LAMP1: variants seen among roughly 807,000 people sequenced by gnomAD.
LAMP1 encodes the protein lysosome-associated membrane glycoprotein 1.
Under a neutral mutation model 37.5 loss-of-function variants are expected in LAMP1, and 7 were observed. The observed-to-expected ratio is 0.19, with a 90% CI of 0.11 to 0.35. The LOEUF (loss-of-function observed/expected upper bound fraction) is 0.35, where lower values mean the gene tolerates loss of function less well. Among genes scored for constraint, LAMP1 ranks in the 10% least tolerant of loss-of-function variants. LAMP1 has a pLI of 1.00. For missense variants in LAMP1, 537 were observed against 552.8 expected (o/e 0.97, Z 0.29); for synonymous variants, 236 against 229.1 (o/e 1.03, Z -0.27).
intron 8 of LAMP1, 38 bp from the exon 9 acceptor site, chr13:113,322,244 G>T: frequency 6.3e-7 from 1 of 1,581,272 alleles, no homozygotes. Context: ...AGGCCCCTGT[G>T]TGAGCAGAGC....
chr13:113,317,262 G>A (rs989684418), intron 4 of LAMP1, among the ~76,000 whole-genome samples: 3 of 152,178 alleles, frequency 2.0e-5, no homozygotes, highest in Admixed American at 2.0e-4. Flanking sequence ...GGCAGCGCAG[G>A]GCACTCTCCA....
chr13:113,307,355 A>G (rs2042605359), intron 2 of LAMP1, among the ~76,000 whole-genome samples: 1 of 149,208 alleles, frequency 6.7e-6, no homozygotes, highest in South Asian at 2.1e-4. Context: ...ACGGGGTTTC[A>G]CCATGTTGGC....
intron 4 of LAMP1, among the ~76,000 whole-genome samples, chr13:113,314,214 T>G (rs1326885778): frequency 1.8e-5 from 2 of 113,356 alleles, no homozygotes; most frequent in Non-Finnish European, 3.4e-5. Context: ...GCCTGGGGCG[T>G]GGCCTCCTGG....
intron 2 of LAMP1, among the ~76,000 whole-genome samples, chr13:113,307,473 A>T (rs1173621042): frequency 1.3e-5 from 2 of 152,008 alleles, no homozygotes; most frequent in African/African-American, 4.8e-5. Flanking sequence ...TTTCTTCGTG[A>T]TTGTCTTTTA....
At chr13:113,305,036 G>A (rs1191695279) in intron 1 of LAMP1, 1 of 152,204 alleles carries the variant, frequency 6.6e-6, no homozygotes, top group Non-Finnish European at 1.5e-5. Context: ...CTGGTTATAT[G>A]CTTCGCTTTA....
chr13:113,313,467 G>A (rs958974579), intron 4 of LAMP1, among the ~76,000 whole-genome samples: 6 of 152,224 alleles, frequency 3.9e-5, no homozygotes, highest in Non-Finnish European at 8.8e-5. Context: ...AATGGAAAAA[G>A]GCCCGACAGC....
At position 113,320,192 on chromosome 13, in the gene LAMP1, C is replaced by T. The variant is rs1290858926; in HGVS notation, c.751-153C>T. Among the ~76,000 whole-genome samples, 2 of 152,104 alleles carry T rather than the reference C, an allele frequency of 1.3e-5. No individual in the cohort carries two copies. The highest frequency in any genetic ancestry group is 2.4e-5 in the African/African-American group (1 of 41,422). ...GTCAGGGAGAGTCATCTTGGGATCC[C>T]GAAATCTGTACTAGTGTGGTCTTTC... is the stretch of plus-strand genomic sequence containing the variant. On this transcript the variant is annotated intron_variant, in intron 5 of 8. Transcript: ENST00000332556. This position sits in a 1 kb window ranked among gnomAD's most constrained non-coding sequence, Gnocchi z 4.4.
At position 113,297,255 on chromosome 13, in the gene LAMP1, C is replaced by A. The variant is rs931856350; in HGVS notation, c.-180C>A. 1.2e-5 allele frequency: 2 copies of A among 168,386 alleles called. No individual in the cohort carries two copies. Among genetic ancestry groups the A allele is most frequent in the African/African-American group, 2.4e-5 (1 of 41,778 alleles). 10.4% of individuals were successfully genotyped at this position (168,386 alleles called of 1,614,324 possible). A position where few individuals can be genotyped will look rare whatever the true frequency, so the allele number is the denominator to read the frequency against. On this transcript the variant is annotated 5_prime_UTR_variant, in exon 1 of 9. Transcript: ENST00000332556. The surrounding 1 kb of genome is among the most constrained non-coding windows in gnomAD (Gnocchi z 4.4). ...GCGCAGCTCACGTGACAAGCGCTGC[C>A]GGCCGCGGTGTCTTCTTCGTGCCGG...
chr13:113,312,584 T>G (rs532594905), intron 4 of LAMP1, among the ~76,000 whole-genome samples: 7 of 152,288 alleles, frequency 4.6e-5, no homozygotes, highest in African/African-American at 1.7e-4. Context: ...AGGGGAGGCT[T>G]GGAAGGAAAC....
chr13:113,298,957 A>G (rs1352582282), intron 1 of LAMP1, among the ~76,000 whole-genome samples: 2 of 152,230 alleles, frequency 1.3e-5, no homozygotes, highest in Non-Finnish European at 2.9e-5. Flanking sequence ...CCTGGCCAAT[A>G]TGGCGAAACC....
chr13:113,306,978 T>C (rs1204362897), intron 2 of LAMP1, among the ~76,000 whole-genome samples: 4 of 151,142 alleles, frequency 2.6e-5, no homozygotes, highest in African/African-American at 7.3e-5. Flanking sequence ...TAGCTGGGGC[T>C]ACAGGCGCTC....
In LAMP1 at chr13:113,320,674, G is replaced by A. The variant is rs556637378; in HGVS notation, c.876+204G>A. ...CATAGATGCAGCAGATGATGTGGGC[G>A]GGGCTGCTGTGCCCACAGTTGGAGT... On this transcript the variant is annotated intron_variant, in intron 6 of 8. Transcript: ENST00000332556. This position sits in a 1 kb window ranked among gnomAD's most constrained non-coding sequence, Gnocchi z 4.4. 3.9e-3 allele frequency: 2,332 copies of A among 590,584 alleles called. 10 individuals are homozygous for A. Among genetic ancestry groups the A allele is most frequent in the Non-Finnish European group, 5.6e-3 (1,908 of 340,382 alleles). 36.6% of individuals were successfully genotyped at this position (590,584 alleles called of 1,614,324 possible).
chr13:113,321,717 G>A lies in LAMP1; in HGVS notation c.1104G>A (p.Gln368=). Residue 368 remains glutamine, a synonymous_variant, in exon 8 of 9, where the codon CAG becomes CAA. Transcript: ENST00000332556. This position sits in a 1 kb window ranked among gnomAD's most constrained non-coding sequence, Gnocchi z 5.6. Reference sequence around the variant, plus strand: ...AGGCTTTCAAGGTGGAAGGTGGCCAGTTTGGCTCTGGTGAGTGTCACCGAG... The same window carrying A: ...AGGCTTTCAAGGTGGAAGGTGGCCAATTTGGCTCTGGTGAGTGTCACCGAG... The part of the protein sequence containing the change: ...WVQAFKVEGG[Q]FGSVEECLLD... The A allele has an allele frequency of 2.5e-6, 4 of 1,614,024 alleles. No individual in the cohort carries two copies. The highest frequency in any genetic ancestry group is 2.5e-6 in the Non-Finnish European group (3 of 1,180,044).
rs758392406 is a variant in LAMP1 at position 113,321,511 on chromosome 13, G to A, written c.943+41G>A. 69 of 1,611,134 alleles carry A rather than the reference G, an allele frequency of 4.3e-5. No individual in the cohort carries two copies. In the Middle Eastern group the frequency reaches 6.6e-4, roughly 15 times the overall value. ...CTCTGCGAGCCCCGCCCCCGCCCGC[G>A]CGCCCAGGGTATTCTGGAGCCACTA... On this transcript the variant is annotated intron_variant, in intron 7 of 8. Transcript: ENST00000332556. The surrounding 1 kb of genome is among the most constrained non-coding windows in gnomAD (Gnocchi z 5.6).
chr13:113,318,749 A>G (rs891589532), intron 4 of LAMP1, among the ~76,000 whole-genome samples: 1 of 150,582 alleles, frequency 6.6e-6, no homozygotes, highest in Admixed American at 6.6e-5. Flanking sequence ...ACGCACCCAC[A>G]CTCACTGCCT....
At chr13:113,298,927 C>T (rs1008289052) in intron 1 of LAMP1, among the ~76,000 whole-genome samples, 1 of 152,200 alleles carries the variant, frequency 6.6e-6, no homozygotes, top group African/African-American at 2.4e-5. Context: ...TGGATCATGG[C>T]GTCAGGAGTT....
At chr13:113,313,242 G>C (rs1257963131) in intron 4 of LAMP1, among the ~76,000 whole-genome samples, 1 of 152,168 alleles carries the variant, frequency 6.6e-6, no homozygotes, top group Non-Finnish European at 1.5e-5. Flanking sequence ...GGATTCTCTA[G>C]ATGAAAAATA....
In LAMP1 at chr13:113,319,770, G is replaced by C; in HGVS notation, c.750+114G>C. 4 of 1,029,484 alleles carry C rather than the reference G, an allele frequency of 3.9e-6. No homozygotes were observed. In the East Asian group the frequency reaches 9.8e-5, roughly 25 times the overall value. 63.8% of individuals were successfully genotyped at this position (1,029,484 alleles called of 1,614,324 possible). A position where few individuals can be genotyped will look rare whatever the true frequency, so the allele number is the denominator to read the frequency against. ...ACGTCATGCTGTTAAGTCAGGATGG[G>C]AGCTTAGCTTGCAGGACGTGACCCT... is the stretch of plus-strand genomic sequence containing the variant. On this transcript the variant is annotated intron_variant, in intron 5 of 8. Transcript: ENST00000332556.
chr13:113,322,251 G>A (rs755717306), intron 8 of LAMP1, 31 bp from the exon 9 acceptor site: 18 of 1,588,982 alleles, frequency 1.1e-5, no homozygotes, highest in Non-Finnish European at 2.6e-6. Flanking sequence ...TGTGTGAGCA[G>A]AGCCCTGACA....
Sources: allele counts gnomAD v4.1 joint callset (sites outside exome capture counted in the v4.1 genomes callset), GRCh38; gene constraint gnomAD v4.1.1; non-coding constraint Gnocchi (gnomAD v3.1); transcripts MANE v1.5; gene names NCBI Gene and HGNC (gene_info 2026-07-23, HGNC 2026-07-21).